C9: variants seen among roughly 807,000 people sequenced by gnomAD.
The protein encoded by C9 is complement C9, also known as complement component C9.
A neutral mutation model predicts 65.4 loss-of-function variants in C9; 63 were observed. The ratio of observed to expected loss-of-function variants is 0.96; its 90% CI spans 0.79 to 1.19. The LOEUF (loss-of-function observed/expected upper bound fraction) is 1.19. Ranked by LOEUF, C9 falls within the 50% of genes most tolerant of loss-of-function variation. The probability of loss-of-function intolerance (pLI) is 0.00; values close to 1 mark genes in which losing one functional copy is unlikely to be tolerated. For missense variants in C9, 744 were observed against 670.1 expected (o/e 1.11, Z -1.22); for synonymous variants, 229 against 227.9 (o/e 1.00, Z -0.04).
At chr5:39,313,202 C>T (rs1333090082) in intron 6 of C9, among the ~76,000 whole-genome samples, 1 of 152,078 alleles carries the variant, frequency 6.6e-6, no homozygotes, top group African/African-American at 2.4e-5. Flanking sequence ...CATTTCTTTG[C>T]CCTCACTAGA....
intron 1 of C9, among the ~76,000 whole-genome samples, chr5:39,361,224 CAAAA>C (rs1291295195): frequency 6.6e-6 from 1 of 151,978 alleles, no homozygotes; most frequent in African/African-American, 2.4e-5. Context: ...GTTTAACCTA[CAAAA>C]TAAGTACTGG....
chr5:39,290,810 C>G (rs534775), intron 9 of C9, among the ~76,000 whole-genome samples: 3 of 151,722 alleles, frequency 2.0e-5, no homozygotes, highest in Non-Finnish European at 4.4e-5. Context: ...GGAAAAAACA[C>G]TGGAATTCAG....
intron 10 of C9, among the ~76,000 whole-genome samples, chr5:39,285,666 T>C (rs183522014): frequency 1.3e-5 from 2 of 152,096 alleles, no homozygotes; most frequent in South Asian, 2.1e-4. Flanking sequence ...TTTTGTTTAA[T>C]TGGCTTAGGA....
chr5:39,285,236 A>G lies in C9; in HGVS notation c.1646-3T>C, dbSNP rs141471456. ...GGGGAACTCTAGGGCTGGCAATCCT[A>G]GAGAAAACAAATAAGTATCAAATCT... is the stretch of plus-strand genomic sequence containing the variant. On this transcript the variant is annotated splice_region_variant and splice_polypyrimidine_tract_variant and intron_variant, in intron 10 of 10. Coordinates refer to ENST00000263408, the MANE Select transcript of C9 (RefSeq NM_001737.5). 5.9e-4 allele frequency: 958 copies of G among 1,611,696 alleles called. 3 individuals carry two copies. In the African/African-American group the frequency reaches 0.011, roughly 18 times the overall value.
At chr5:39,307,744 A>G (rs1383209182) in intron 8 of C9, among the ~76,000 whole-genome samples, 1 of 152,200 alleles carries the variant, frequency 6.6e-6, no homozygotes, top group Non-Finnish European at 1.5e-5. Flanking sequence ...AGTAATATTT[A>G]TACCAAACAT....
At chr5:39,335,295 A>T (rs746425013) in intron 4 of C9, among the ~76,000 whole-genome samples, 1 of 152,174 alleles carries the variant, frequency 6.6e-6, no homozygotes, top group Non-Finnish European at 1.5e-5. Context: ...GCAGGGGGGA[A>T]TATTAAGACA....
At chr5:39,319,846 T>C (rs143012935) in intron 5 of C9, among the ~76,000 whole-genome samples, 46 of 152,052 alleles carry the variant, frequency 3.0e-4, no homozygotes, top group African/African-American at 1.1e-3. Context: ...CAGTGCTAGG[T>C]TGACCTCTAT....
intron 1 of C9, among the ~76,000 whole-genome samples, chr5:39,347,687 A>G (rs1006011298): frequency 6.6e-6 from 1 of 152,196 alleles, no homozygotes; most frequent in Non-Finnish European, 1.5e-5. Flanking sequence ...TTCATATGGA[A>G]CCACAAAAGA....
chr5:39,286,675 T>C (rs35252), intron 10 of C9, among the ~76,000 whole-genome samples: 1 of 151,702 alleles, frequency 6.6e-6, no homozygotes, highest in African/African-American at 2.4e-5. Flanking sequence ...AGGTAGAAAA[T>C]AGACGTTCCA....
intron 1 of C9, among the ~76,000 whole-genome samples, chr5:39,361,959 A>C (rs1329273477): frequency 6.6e-6 from 1 of 152,240 alleles, no homozygotes; most frequent in Non-Finnish European, 1.5e-5. Flanking sequence ...GAAAGATAGC[A>C]AAGTGAAAGC....
At chr5:39,317,980 G>A (rs1753600479) in intron 5 of C9, among the ~76,000 whole-genome samples, 1 of 152,072 alleles carries the variant, frequency 6.6e-6, no homozygotes, top group Admixed American at 6.6e-5. Flanking sequence ...CTGTCTGTGA[G>A]CATGAAATGT....
chr5:39,297,654 T>C (rs968361156), intron 9 of C9, among the ~76,000 whole-genome samples: 6 of 151,656 alleles, frequency 4.0e-5, no homozygotes, highest in Non-Finnish European at 7.4e-5. Flanking sequence ...GTTTTCAATA[T>C]ACAAAGAAGA....
intron 5 of C9, among the ~76,000 whole-genome samples, chr5:39,321,217 G>A (rs1753661294): frequency 6.6e-6 from 1 of 151,968 alleles, no homozygotes; most frequent in African/African-American, 2.4e-5. Context: ...TATAATAATA[G>A]CTATAATAGT....
chr5:39,289,187 T>C (rs551487255), intron 9 of C9, among the ~76,000 whole-genome samples: 4 of 151,646 alleles, frequency 2.6e-5, no homozygotes, highest in African/African-American at 9.7e-5. Flanking sequence ...TAATGATGCA[T>C]AAATTTCAAA....
intron 4 of C9, among the ~76,000 whole-genome samples, chr5:39,333,143 T>C (rs746731107): frequency 4.6e-5 from 7 of 151,684 alleles, no homozygotes; most frequent in Non-Finnish European, 8.8e-5. Flanking sequence ...AAAAAAACAT[T>C]ATATATTTGA....
intron 5 of C9, among the ~76,000 whole-genome samples, chr5:39,321,680 C>A (rs1283722612): frequency 6.6e-6 from 1 of 151,892 alleles, no homozygotes; most frequent in East Asian, 1.9e-4. Context: ...ACTCACTTCA[C>A]CTTTAAGTGC....
At chr5:39,336,810 A>G (rs1023113210) in intron 4 of C9, among the ~76,000 whole-genome samples, 2 of 152,182 alleles carry the variant, frequency 1.3e-5, no homozygotes, top group East Asian at 1.9e-4. Flanking sequence ...TTTCTGAGTT[A>G]TATACCAAAA....
chr5:39,362,208 A>G (rs1335051163), intron 1 of C9, among the ~76,000 whole-genome samples: 4 of 152,216 alleles, frequency 2.6e-5, no homozygotes, highest in Non-Finnish European at 4.4e-5. Context: ...GTCAAATAAG[A>G]CTGGGACCTT....
intron 8 of C9, among the ~76,000 whole-genome samples, chr5:39,307,698 T>G (rs928167784): frequency 6.6e-6 from 1 of 152,176 alleles, no homozygotes; most frequent in African/African-American, 2.4e-5. Flanking sequence ...TAGCACTAAT[T>G]CATGCTTGTA....
Sources: allele counts gnomAD v4.1 joint callset (sites outside exome capture counted in the v4.1 genomes callset), GRCh38; gene constraint gnomAD v4.1.1; transcripts MANE v1.5; gene names NCBI Gene and HGNC (gene_info 2026-07-23, HGNC 2026-07-21).